LYPD6B: variants seen among roughly 807,000 people sequenced by gnomAD.
The protein encoded by LYPD6B is LY6/PLAUR domain containing 6B, also known as ly6/PLAUR domain-containing protein 6B.
LYPD6B carries 17 observed loss-of-function variants against 22.8 expected under a neutral mutation model. The ratio of observed to expected loss-of-function variants is 0.75; its 90% CI spans 0.51 to 1.12. LYPD6B has a LOEUF of 1.12. Ranked by LOEUF, LYPD6B falls within the 50% of genes most tolerant of loss-of-function variation. The probability of loss-of-function intolerance (pLI) is 0.00; values close to 1 mark genes in which losing one functional copy is unlikely to be tolerated. For synonymous variants in LYPD6B, 106 were observed against 91.6 expected (o/e 1.16, Z -0.90); for missense variants, 221 against 258.3 (o/e 0.86, Z 0.99).
intron 1 of LYPD6B, among the ~76,000 whole-genome samples, chr2:149,124,315 C>A (rs1395226549): frequency 1.3e-5 from 2 of 152,064 alleles, no homozygotes; most frequent in African/African-American, 4.8e-5. Flanking sequence ...TTCCACTGGG[C>A]AGAGAACATT....
intron 1 of LYPD6B, among the ~76,000 whole-genome samples, chr2:149,120,203 G>A (rs73017009): frequency 0.1 from 15,345 of 150,554 alleles, 2,235 homozygotes; most frequent in African/African-American, 0.31. Context: ...TATTTTAGAA[G>A]AGAAATTTAC....
intron 1 of LYPD6B, among the ~76,000 whole-genome samples, chr2:149,056,651 TACATGCATGCACAC>T (rs1392908012): frequency 6.6e-6 from 1 of 152,152 alleles, no homozygotes; most frequent in Non-Finnish European, 1.5e-5. Flanking sequence ...TGCATGCACA[TACATGCATGCACAC>T]ACATACATAC....
rs866763099 is a variant in LYPD6B, at chr2:149,053,303, G to A, written c.-67+14502G>A. Among the ~76,000 whole-genome samples, 8 of 152,096 alleles carry A rather than the reference G, an allele frequency of 5.3e-5. No individual in the cohort carries two copies. The South Asian group carries it at 1.7e-3, about 31-fold the overall frequency. On this transcript the variant is annotated intron_variant, in intron 1 of 6. Coordinates refer to ENST00000409642, the MANE Select transcript of LYPD6B (RefSeq NM_177964.5). Reference sequence around the variant, plus strand: ...TAAACATAATTTTAATGACCGAATTGTATTCTGTTGAATGAATGTACCATA... The same window carrying A: ...TAAACATAATTTTAATGACCGAATTATATTCTGTTGAATGAATGTACCATA...
chr2:149,178,964 C>T (rs985268384), intron 3 of LYPD6B, among the ~76,000 whole-genome samples: 3 of 152,184 alleles, frequency 2.0e-5, no homozygotes, highest in African/African-American at 7.2e-5. Flanking sequence ...TGTCTACTAC[C>T]GTCGTCATGA....
intron 1 of LYPD6B, among the ~76,000 whole-genome samples, chr2:149,048,932 G>C (rs1178188534): frequency 6.6e-6 from 1 of 152,110 alleles, no homozygotes; most frequent in African/African-American, 2.4e-5. Context: ...CAGATTTTGG[G>C]CCCCAGTGTT....
At chr2:149,098,643 A>AAAAAAAAAAAAAAAAAAAAAAAAG (rs57783804) in intron 1 of LYPD6B, among the ~76,000 whole-genome samples, 2 of 130,960 alleles carry the variant, frequency 1.5e-5, no homozygotes, top group Non-Finnish European at 3.1e-5. Context: ...AAAAAAAAAA[A>AAAAAAAAAAAAAAAAAAAAAAAAG]AAAAAAGAAA....
intron 1 of LYPD6B, among the ~76,000 whole-genome samples, chr2:149,068,380 C>T (rs1574908004): frequency 6.6e-6 from 1 of 152,108 alleles, no homozygotes; most frequent in East Asian, 1.9e-4. Flanking sequence ...GAACACAGTT[C>T]AGAAACTAAA....
chr2:149,169,168 C>T (rs971613595), intron 3 of LYPD6B, among the ~76,000 whole-genome samples: 7 of 151,974 alleles, frequency 4.6e-5, no homozygotes, highest in Non-Finnish European at 8.8e-5. Flanking sequence ...TGCATGGACC[C>T]GCTCTTGGGG....
At chr2:149,074,322 T>A (rs1449992566) in intron 1 of LYPD6B, among the ~76,000 whole-genome samples, 1 of 152,190 alleles carries the variant, frequency 6.6e-6, no homozygotes, top group Non-Finnish European at 1.5e-5. Context: ...TCTCTCCTTT[T>A]GTTTTTGATT....
chr2:149,084,301 C>T (rs1464436146), intron 1 of LYPD6B, among the ~76,000 whole-genome samples: 2 of 152,260 alleles, frequency 1.3e-5, no homozygotes, highest in Admixed American at 6.5e-5. Flanking sequence ...CTCCTTCTAC[C>T]TTGAGTTACT....
intron 1 of LYPD6B, among the ~76,000 whole-genome samples, chr2:149,051,338 CTATTT>C (rs1394476322): frequency 6.6e-6 from 1 of 151,274 alleles, no homozygotes; most frequent in East Asian, 2.0e-4. Context: ...CTAATTTTTT[CTATTT>C]TTTAGTAGAG....
At chr2:149,157,064 A>T (rs1689750113) in intron 2 of LYPD6B, among the ~76,000 whole-genome samples, 1 of 152,122 alleles carries the variant, frequency 6.6e-6, no homozygotes, top group African/African-American at 2.4e-5. Flanking sequence ...TGTATTACTG[A>T]TGTCCTGAGA....
intron 3 of LYPD6B, among the ~76,000 whole-genome samples, chr2:149,161,829 A>AT (rs1464124010): frequency 6.6e-6 from 1 of 152,212 alleles, no homozygotes; most frequent in Non-Finnish European, 1.5e-5. Flanking sequence ...TTTGTTAATG[A>AT]TAATTATATG....
intron 1 of LYPD6B, among the ~76,000 whole-genome samples, chr2:149,084,923 T>C (rs1685316819): frequency 6.6e-6 from 1 of 152,108 alleles, no homozygotes; most frequent in Admixed American, 6.6e-5. Context: ...GATTTAGTGT[T>C]AGTGACTGGG....
In LYPD6B at chr2:149,142,871, T is replaced by C. The variant is rs1559028473; in HGVS notation, c.5+11918T>C. On this transcript the variant is annotated intron_variant, in intron 2 of 6. Transcript: ENST00000409642. ...CTTCTTCACCTGATTACAAGCTACG[T>C]ATCTTAATTGTATTCTTTAGGGAGT... Among the ~76,000 whole-genome samples, 4 of 152,210 alleles carry C rather than the reference T, an allele frequency of 2.6e-5. No homozygotes were observed. The South Asian group carries it at 8.3e-4, about 32-fold the overall frequency.
chr2:149,188,800 T>A (rs947268390), intron 3 of LYPD6B: 1 of 354,820 alleles, frequency 2.8e-6, no homozygotes, highest in African/African-American at 2.2e-5. Flanking sequence ...GTTCTTCCTG[T>A]CTTCCAGGCA....
intron 1 of LYPD6B, among the ~76,000 whole-genome samples, chr2:149,104,415 T>C (rs1482264755): frequency 6.6e-6 from 1 of 152,192 alleles, no homozygotes; most frequent in Non-Finnish European, 1.5e-5. Flanking sequence ...CTATTTTATC[T>C]TGTGGGTTTA....
chr2:149,174,099 G>T (rs898700123), intron 3 of LYPD6B, among the ~76,000 whole-genome samples: 1 of 152,100 alleles, frequency 6.6e-6, no homozygotes, highest in Non-Finnish European at 1.5e-5. Flanking sequence ...TCATTGAAGA[G>T]GTCCTTCACT....
chr2:149,118,490 C>T (rs1283857955), intron 1 of LYPD6B, among the ~76,000 whole-genome samples: 1 of 152,174 alleles, frequency 6.6e-6, no homozygotes, highest in Non-Finnish European at 1.5e-5. Context: ...GCAGTTCCTT[C>T]TGGTACACTT....
Sources: allele counts gnomAD v4.1 joint callset (sites outside exome capture counted in the v4.1 genomes callset), GRCh38; gene constraint gnomAD v4.1.1; transcripts MANE v1.5; gene names NCBI Gene and HGNC (gene_info 2026-07-23, HGNC 2026-07-21).